The following GTPBP2 variants were observed in gnomAD, a reference collection of about 807,000 sequenced individuals.
GTPBP2 encodes GTP-binding protein 2.
Under a neutral mutation model 63.0 loss-of-function variants are expected in GTPBP2, and 32 were observed. That is an observed-to-expected ratio of 0.51 (90% CI 0.38 to 0.68). The LOEUF is 0.68. GTPBP2 is among the 30% of genes least tolerant of loss of function. GTPBP2 has a pLI of 0.00. For synonymous variants in GTPBP2, 310 were observed against 322.6 expected (o/e 0.96, Z 0.42); for missense variants, 492 against 796.9 (o/e 0.62, Z 4.61).
intron 1 of GTPBP2, chr6:43,627,218 G>C: frequency 1.0e-6 from 1 of 968,072 alleles, no homozygotes; most frequent in Non-Finnish European, 1.3e-6. Context: ...TTTGATCACT[G>C]GCAGCACGTT....
rs373546999 is a variant in GTPBP2, at chr6:43,625,727, A to G, written c.507+29T>C. Reference sequence around the variant, plus strand: ...CACAGGGCCCTTCCACAGTGTGGACATGAGAGACAGGGATGGGTGTGTGCT... The same window carrying G: ...CACAGGGCCCTTCCACAGTGTGGACGTGAGAGACAGGGATGGGTGTGTGCT... On this transcript the variant is annotated intron_variant, in intron 4 of 11. Coordinates refer to ENST00000307126, the MANE Select transcript of GTPBP2 (RefSeq NM_019096.5). This position sits in a 1 kb window ranked among gnomAD's most constrained non-coding sequence, Gnocchi z 5.1. The G allele has an allele frequency of 1.9e-6, 3 of 1,545,112 alleles. No individual in the cohort carries two copies. The East Asian group carries it at 6.7e-5, about 35-fold the overall frequency.
chr6:43,628,349 G>A (rs1207806938), intron 1 of GTPBP2, among the ~76,000 whole-genome samples: 1 of 152,092 alleles, frequency 6.6e-6, no homozygotes, highest in Admixed American at 6.6e-5. Flanking sequence ...CTGGGTAACA[G>A]AGACTCCGTC....
chr6:43,625,584 A>G lies in GTPBP2; in HGVS notation c.508-24T>C. 1 of 1,579,426 alleles carries G rather than the reference A, an allele frequency of 6.3e-7. No individual in the cohort carries two copies. Among genetic ancestry groups the G allele is most frequent in the Non-Finnish European group, 8.7e-7 (1 of 1,148,412 alleles). Reference sequence around the variant, plus strand: ...AACTGTGGATGAATTGCCAGAGATAAGAACTCCAATCTCTCACCCCTCTAA... The same window carrying G: ...AACTGTGGATGAATTGCCAGAGATAGGAACTCCAATCTCTCACCCCTCTAA... On this transcript the variant is annotated intron_variant, in intron 4 of 11. Transcript: ENST00000307126. The surrounding 1 kb of genome is among the most constrained non-coding windows in gnomAD (Gnocchi z 5.1).
rs114834759 is a variant in GTPBP2 at position 43,628,686 on chromosome 6, G to A, written c.186+291C>T. ...TATGGCGGCACACGCAGTTGGTCGG[G>A]GTGCTCTTCCTGGGATCCCCTTTCT... On this transcript the variant is annotated intron_variant, in intron 1 of 11. Transcript: ENST00000307126. The A allele has an allele frequency of 3.3e-3, 2,404 of 728,302 alleles. 47 individuals carry two copies. In the African/African-American group the frequency reaches 0.037, roughly 11 times the overall value. 45.1% of individuals were successfully genotyped at this position (728,302 alleles called of 1,614,324 possible).
Position 43,629,124 on chromosome 6 carries a change from G to C in GTPBP2, c.39C>G (p.Cys13Trp), listed in dbSNP as rs754191546. ...SRVSELFGGCCRPGGGPAVGG... is the reference protein window; with the variant it reads ...SRVSELFGGCWRPGGGPAVGG... ...CCACGGCCGGGCCCCCTCCGGGCCG[G>C]CAGCAGCCGCCGAACAGCTCCGATA... The change falls in exon 1 of 12, where the codon TGC becomes TGG. Residue 13 changes from cysteine (C) to tryptophan (W), a missense_variant. Cys to Trp is a radical substitution (Grantham distance 215). Around this residue, in one of 2 missense-constraint regions of GTPBP2, gnomAD observed 92 missense variants for 86.1 expected, o/e 1.07. Coordinates refer to ENST00000307126, the MANE Select transcript of GTPBP2 (RefSeq NM_019096.5). The C allele has an allele frequency of 7.2e-6, 11 of 1,524,394 alleles. No individual in the cohort carries two copies. In the South Asian group the frequency reaches 9.8e-5, roughly 14 times the overall value. 94.4% of individuals were successfully genotyped at this position (1,524,394 alleles called of 1,614,324 possible).
chr6:43,621,980 A>G, intron 11 of GTPBP2, 23 bp downstream of exon 11: 1 of 1,613,692 alleles, frequency 6.2e-7, no homozygotes. Flanking sequence ...CTCTGGAGAA[A>G]TGGAAGGCCA....
Position 43,624,406 on chromosome 6 carries a change from C to A in GTPBP2, c.1100+104G>T. The A allele has an allele frequency of 1.2e-6, 1 of 862,444 alleles. No homozygotes were observed. 53.4% of individuals were successfully genotyped at this position (862,444 alleles called of 1,614,324 possible). On this transcript the variant is annotated intron_variant, in intron 7 of 11. Transcript: ENST00000307126. The surrounding 1 kb of genome is among the most constrained non-coding windows in gnomAD (Gnocchi z 5.1). ...AGCTGAAACACCCGCAGAACTAAGC[C>A]AGAACTGGTCTGGCCCTGGAGAAGT...
rs776289285 is a variant in GTPBP2 at position 43,621,476 on chromosome 6, G to C, written c.*138C>G. On this transcript the variant is annotated 3_prime_UTR_variant, in exon 12 of 12. Transcript: ENST00000307126. ...AAGTTTGGCACCTCTCCAGAAAGTTGGCAGGGAGCAAGTGGCAGACAGCAC... is the reference window on the plus strand; with the variant it reads ...AAGTTTGGCACCTCTCCAGAAAGTTCGCAGGGAGCAAGTGGCAGACAGCAC... 6.4e-7 allele frequency: 1 copy of C among 1,553,152 alleles called. No homozygotes were observed. Among genetic ancestry groups the C allele is most frequent in the South Asian group, 1.2e-5 (1 of 84,134 alleles).
chr6:43,630,448 TAAAC>T (rs1484191169), upstream of GTPBP2, among the ~76,000 whole-genome samples: 4 of 151,964 alleles, frequency 2.6e-5, no homozygotes, highest in Non-Finnish European at 5.9e-5. Context: ...GTCAAGAAAT[TAAAC>T]AACTCAGCCG....
rs369516793 is a variant in GTPBP2, at chr6:43,629,079, C to T, written c.84G>A (p.Arg28=). Residue 28 remains arginine (R), a synonymous_variant, in exon 1 of 12, where the codon AGG becomes AGA. Coordinates refer to ENST00000307126, the MANE Select transcript of GTPBP2 (RefSeq NM_019096.5). ...CGCAGCCGCTGCTGCTGCCGGCCCC[C>T]CTAGCCTTGAGGGTTCCGCCCACGG... ...GPAVGGTLKA[R]GAGSSSGCGG... The T allele has an allele frequency of 1.9e-5, 30 of 1,599,282 alleles. No homozygotes were observed. The highest frequency in any genetic ancestry group is 2.4e-5 in the Non-Finnish European group (28 of 1,173,166).
chr6:43,629,108 G>A lies in GTPBP2; in HGVS notation c.55C>T (p.Pro19Ser). ...FGGCCRPGGGPAVGGTLKARG... is the reference protein window; with the variant it reads ...FGGCCRPGGGSAVGGTLKARG... The stretch of plus-strand genomic sequence containing the variant: ...GCCTTGAGGGTTCCGCCCACGGCCG[G>A]GCCCCCTCCGGGCCGGCAGCAGCCG... Residue 19 changes from proline to serine, a missense_variant, in exon 1 of 12, where the codon CCG (proline) becomes TCG (serine). Coordinates refer to ENST00000307126, the MANE Select transcript of GTPBP2 (RefSeq NM_019096.5). 3 of 1,546,280 alleles carry A rather than the reference G, an allele frequency of 1.9e-6. No homozygotes were observed. Among genetic ancestry groups the A allele is most frequent in the Non-Finnish European group, 2.6e-6 (3 of 1,151,444 alleles).
At position 43,625,340 on chromosome 6, in the gene GTPBP2, T is replaced by A. The variant is rs755265875; in HGVS notation, c.705+23A>T. 2.5e-6 allele frequency: 4 copies of A among 1,606,688 alleles called. No individual in the cohort carries two copies. In the Admixed American group the frequency reaches 6.7e-5, roughly 27 times the overall value. On this transcript the variant is annotated intron_variant, in intron 5 of 11. Transcript: ENST00000307126. The surrounding 1 kb of genome is among the most constrained non-coding windows in gnomAD (Gnocchi z 5.1). ...TCCCATCCTCAGAGTCTGGCCCCAT[T>A]GGGTCCCATTGATCCCATGCACCTC...
chr6:43,630,328 A>G (rs1278919856), upstream of GTPBP2, among the ~76,000 whole-genome samples: 1 of 152,224 alleles, frequency 6.6e-6, no homozygotes. Context: ...CTGAGCTGCG[A>G]GTCAGGACGC....
At chr6:43,628,481 TG>T in intron 1 of GTPBP2, 1 of 710,600 alleles carries the variant, frequency 1.4e-6, no homozygotes, top group African/African-American at 1.9e-5. Flanking sequence ...TGTGTGTGTG[TG>T]TGTGTGTGTG....
rs1311284870 is a variant in GTPBP2, at chr6:43,622,637, C to T, written c.1463G>A (p.Arg488His). Residue 488 changes from arginine to histidine, a missense_variant, in exon 10 of 12, where the codon CGC (arginine) becomes CAC (histidine). This residue lies in a region of GTPBP2 where 400 missense variants were observed against 710.8 expected (regional missense o/e 0.56). Transcript: ENST00000307126. The surrounding 1 kb of genome is among the most constrained non-coding windows in gnomAD (Gnocchi z 5.4). ...CAACCCATGCACCCACCTCACCTTGCGAAGCAGTGCACGGTCAAAGTCCCC... is the reference window on the plus strand; with the variant it reads ...CAACCCATGCACCCACCTCACCTTGTGAAGCAGTGCACGGTCAAAGTCCCC... ...ALGDFDRALLRKGMVMVSPEM... is the reference protein window; with the variant it reads ...ALGDFDRALLHKGMVMVSPEM... The T allele has an allele frequency of 6.2e-7, 1 of 1,610,296 alleles. No homozygotes were observed. Among genetic ancestry groups the T allele is most frequent in the African/African-American group, 1.3e-5 (1 of 74,840 alleles).
rs112927783 is a variant in GTPBP2, at chr6:43,620,553, GTATA to G, written c.*1057_*1060del. On this transcript the variant is annotated 3_prime_UTR_variant, in exon 12 of 12. Coordinates refer to ENST00000307126, the MANE Select transcript of GTPBP2 (RefSeq NM_019096.5). ...TGTGTATTTAAATATATATACATAT[GTATA>G]TATATATATATGCACAGAGAAACCT... 4 of 156,814 alleles carry G rather than the reference GTATA, an allele frequency of 2.6e-5. No individual in the cohort carries two copies. The highest frequency in any genetic ancestry group is 4.9e-5 in the African/African-American group (2 of 40,664). 9.7% of individuals were successfully genotyped at this position (156,814 alleles called of 1,614,324 possible). A position where few individuals can be genotyped will look rare whatever the true frequency, so the allele number is the denominator to read the frequency against.
chr6:43,629,687 C>A (rs1178885419), upstream of GTPBP2: 11 of 1,530,930 alleles, frequency 7.2e-6, no homozygotes, highest in East Asian at 2.7e-4. Flanking sequence ...TCGAGAGCTG[C>A]AGAACTGAGG....
Position 43,625,830 on chromosome 6 carries a change from C to T in GTPBP2, c.433G>A (p.Glu145Lys), listed in dbSNP as rs1769274159. The T allele has an allele frequency of 6.2e-7, 1 of 1,614,126 alleles. No homozygotes were observed. The highest frequency in any genetic ancestry group is 8.5e-7 in the Non-Finnish European group (1 of 1,179,992). ...GGCATGTCGCTATCATAATCCACTT[C>T]TCGCTCTCGAAGAACGGTTATGTCT... ...GADITVLREREVDYDSDMPRK... is the reference protein window; with the variant it reads ...GADITVLRERKVDYDSDMPRK... Residue 145 changes from glutamate (E) to lysine (K), a missense_variant, in exon 4 of 12, where the codon GAA (glutamate) becomes AAA (lysine). Glu to Lys is a moderately conservative substitution (Grantham distance 56). This residue lies in a region of GTPBP2 where 400 missense variants were observed against 710.8 expected (regional missense o/e 0.56). Transcript: ENST00000307126. The surrounding 1 kb of genome is among the most constrained non-coding windows in gnomAD (Gnocchi z 5.1).
chr6:43,623,535 A>G (rs895636184), intron 9 of GTPBP2: 43 of 596,024 alleles, frequency 7.2e-5, no homozygotes, highest in Non-Finnish European at 1.1e-4. Context: ...AGATTCCCCA[A>G]TAGGCAGCAA....
Sources: gnomAD v4.1 joint callset for allele counts (sites outside exome capture counted in the v4.1 genomes callset) on GRCh38, gnomAD v4.1.1 for gene constraint, gnomAD v4.1.1 regional missense constraint, Gnocchi (gnomAD v3.1) non-coding constraint, MANE v1.5 for transcripts, NCBI Gene and HGNC (gene_info 2026-07-23, HGNC 2026-07-21) for gene names.